The following DLGAP2 variants were observed in gnomAD, a reference collection of about 807,000 sequenced individuals.
DLGAP2 encodes DLG associated protein 2, also known as disks large-associated protein 2.
Under a neutral mutation model 100.3 loss-of-function variants are expected in DLGAP2, and 26 were observed. The observed-to-expected ratio is 0.26, with a 90% CI of 0.19 to 0.36. DLGAP2 has a LOEUF of 0.36. Ranked by LOEUF, DLGAP2 falls within the 10% of genes least tolerant of loss-of-function variation. DLGAP2 has a pLI of 1.00. For missense variants in DLGAP2, 1,858 were observed against 1,453.2 expected (o/e 1.28, Z -4.53); for synonymous variants, 886 against 630.1 (o/e 1.41, Z -6.08).
At chr8:1,024,722 G>C (rs904469154) in intron 2 of DLGAP2, among the ~76,000 whole-genome samples, 14 of 152,218 alleles carry the variant, frequency 9.2e-5, no homozygotes, top group Admixed American at 7.2e-4. Context: ...AGGCGCTTCA[G>C]CAGGGCTGGG....
intron 1 of DLGAP2, among the ~76,000 whole-genome samples, chr8:819,740 A>G (rs542822668): frequency 2.0e-5 from 3 of 152,232 alleles, no homozygotes; most frequent in African/African-American, 7.2e-5. Flanking sequence ...AATGTGTAAG[A>G]TTTATAGGAA....
At chr8:1,306,201 C>G (rs2117006697) in intron 3 of DLGAP2, among the ~76,000 whole-genome samples, 1 of 152,036 alleles carries the variant, frequency 6.6e-6, no homozygotes, top group South Asian at 2.1e-4. Flanking sequence ...CCCCCCCACC[C>G]ACACACACCT....
At chr8:1,163,696 A>G (rs892630082) in intron 2 of DLGAP2, among the ~76,000 whole-genome samples, 3 of 152,118 alleles carry the variant, frequency 2.0e-5, no homozygotes, top group Non-Finnish European at 2.9e-5. Flanking sequence ...AGCTGCTTGT[A>G]ATGACTGGGC....
chr8:1,357,365 T>C (rs1013164459), intron 3 of DLGAP2, among the ~76,000 whole-genome samples: 4 of 151,556 alleles, frequency 2.6e-5, no homozygotes, highest in Non-Finnish European at 5.9e-5. Flanking sequence ...CTAAACCAGA[T>C]ACAACCCCTT....
intron 2 of DLGAP2, among the ~76,000 whole-genome samples, chr8:913,154 C>T (rs1006033730): frequency 7.2e-5 from 11 of 152,208 alleles, no homozygotes; most frequent in African/African-American, 2.7e-4. Flanking sequence ...TGGAAGCCTA[C>T]AGGTTGGCAG....
chr8:1,584,294 A>T (rs188385638), intron 6 of DLGAP2, among the ~76,000 whole-genome samples: 72 of 152,218 alleles, frequency 4.7e-4, no homozygotes, highest in African/African-American at 1.6e-3. Context: ...TAATCAATTT[A>T]AAAGACGTGT....
intron 3 of DLGAP2, among the ~76,000 whole-genome samples, chr8:1,310,403 A>G (rs1800587157): frequency 6.6e-6 from 1 of 152,184 alleles, no homozygotes; most frequent in Non-Finnish European, 1.5e-5. Flanking sequence ...GGAGAAAGTA[A>G]GGGGTAGCTC....
intron 2 of DLGAP2, among the ~76,000 whole-genome samples, chr8:1,166,028 C>G (rs1461873180): frequency 6.6e-5 from 10 of 152,180 alleles, no homozygotes; most frequent in Non-Finnish European, 1.3e-4. Flanking sequence ...ACTGAATAAT[C>G]TCCCGTCAGT....
At chr8:1,110,916 G>T (rs933097203) in intron 2 of DLGAP2, among the ~76,000 whole-genome samples, 1 of 152,062 alleles carries the variant, frequency 6.6e-6, no homozygotes, top group Non-Finnish European at 1.5e-5. Context: ...TGGTGCTTTT[G>T]GGGGTTTGGG....
chr8:1,472,445 A>G (rs1798830068), intron 3 of DLGAP2, among the ~76,000 whole-genome samples: 1 of 152,174 alleles, frequency 6.6e-6, no homozygotes, highest in Non-Finnish European at 1.5e-5. Context: ...ATGGTCTGGT[A>G]TACATATTTC....
At chr8:1,648,919 A>C (rs998839679) in intron 8 of DLGAP2, among the ~76,000 whole-genome samples, 1 of 152,164 alleles carries the variant, frequency 6.6e-6, no homozygotes, top group Non-Finnish European at 1.5e-5. Flanking sequence ...AAAACCTACA[A>C]ATCCTATCAC....
intron 3 of DLGAP2, among the ~76,000 whole-genome samples, chr8:1,316,758 G>T (rs147515986): frequency 7.4e-6 from 1 of 135,906 alleles, no homozygotes; most frequent in African/African-American, 2.8e-5. Context: ...AAAATAGAGC[G>T]TGTGCGAGTA....
At chr8:1,566,271 T>A (rs1392999947) in intron 6 of DLGAP2, among the ~76,000 whole-genome samples, 1 of 152,234 alleles carries the variant, frequency 6.6e-6, no homozygotes, top group Admixed American at 6.5e-5. Flanking sequence ...GTTAACGGAA[T>A]TTTGTTGTTG....
intron 8 of DLGAP2, among the ~76,000 whole-genome samples, chr8:1,648,849 C>A (rs1235233523): frequency 6.6e-6 from 1 of 152,154 alleles, no homozygotes; most frequent in African/African-American, 2.4e-5. Flanking sequence ...GGCTTCCTCC[C>A]ATAGAAATCT....
intron 4 of DLGAP2, among the ~76,000 whole-genome samples, chr8:1,513,417 A>G (rs866334490): frequency 6.6e-6 from 1 of 151,886 alleles, no homozygotes; most frequent in South Asian, 2.1e-4. Context: ...GGCCAGCCCC[A>G]CGGAGGCTCG....
At chr8:1,687,786 G>T (rs778385127) in intron 12 of DLGAP2, among the ~76,000 whole-genome samples, 13 of 152,148 alleles carry the variant, frequency 8.5e-5, no homozygotes, top group Non-Finnish European at 1.8e-4. Context: ...TTAAGAAACT[G>T]ATTGACTTTT....
At chr8:1,160,111 C>G (rs775373324) in intron 2 of DLGAP2, among the ~76,000 whole-genome samples, 2 of 152,234 alleles carry the variant, frequency 1.3e-5, no homozygotes, top group African/African-American at 2.4e-5. Flanking sequence ...GCTGACGCCG[C>G]GGCCCGTGGG....
intron 3 of DLGAP2, among the ~76,000 whole-genome samples, chr8:1,364,485 G>C (rs968227845): frequency 7.3e-6 from 1 of 137,332 alleles, no homozygotes; most frequent in Non-Finnish European, 1.5e-5. Flanking sequence ...GGAGGCGGGC[G>C]CCGGTCATGG....
chr8:1,531,834 T>C (rs555800347), intron 4 of DLGAP2, among the ~76,000 whole-genome samples: 65 of 152,314 alleles, frequency 4.3e-4, no homozygotes, highest in African/African-American at 1.5e-3. Flanking sequence ...ACCCTGAACA[T>C]TTGAGACAGG....
Sources: allele counts gnomAD v4.1 joint callset (sites outside exome capture counted in the v4.1 genomes callset), GRCh38; gene constraint gnomAD v4.1.1; transcripts MANE v1.5; gene names NCBI Gene and HGNC (gene_info 2026-07-23, HGNC 2026-07-21).